CDKAL1: variants seen among roughly 807,000 people sequenced by gnomAD.
CDKAL1 encodes CDKAL1 threonylcarbamoyladenosine tRNA methylthiotransferase.
In CDKAL1, 32 loss-of-function variants were observed where a neutral mutation model predicts 68.2. The observed-to-expected ratio is 0.47, with a 90% CI of 0.35 to 0.63. The LOEUF (loss-of-function observed/expected upper bound fraction) is 0.63. CDKAL1 is among the 30% of genes least tolerant of loss of function. The probability of loss-of-function intolerance (pLI) is 0.00; values close to 1 mark genes in which losing one functional copy is unlikely to be tolerated. For missense variants in CDKAL1, 606 were observed against 696.7 expected, an observed-to-expected ratio of 0.87 and a Z score of 1.47; for synonymous variants, 234 against 244.3, an observed-to-expected ratio of 0.96 and a Z score of 0.39.
chr6:20,915,253 G>A (rs1762670851), intron 9 of CDKAL1, among the ~76,000 whole-genome samples: 1 of 151,840 alleles, frequency 6.6e-6, no homozygotes, highest in Non-Finnish European at 1.5e-5. Flanking sequence ...AGATGTATCA[G>A]TCAGAGATCT....
chr6:20,688,624 G>C (rs1245560971), intron 5 of CDKAL1, among the ~76,000 whole-genome samples: 1 of 151,756 alleles, frequency 6.6e-6, no homozygotes, highest in Non-Finnish European at 1.5e-5. Flanking sequence ...ATTTCTTTTT[G>C]TCTGTTTACA....
At chr6:21,047,245 T>G (rs1389648288) in intron 11 of CDKAL1, among the ~76,000 whole-genome samples, 1 of 152,120 alleles carries the variant, frequency 6.6e-6, no homozygotes, top group Non-Finnish European at 1.5e-5. Context: ...AAGGGCTTTG[T>G]AGATGACAGC....
chr6:21,131,517 A>G (rs951753743), intron 13 of CDKAL1, among the ~76,000 whole-genome samples: 4 of 152,332 alleles, frequency 2.6e-5, no homozygotes, highest in Admixed American at 1.3e-4. Context: ...ATTGTTATGT[A>G]TATAACAGAA....
intron 4 of CDKAL1, among the ~76,000 whole-genome samples, chr6:20,595,618 A>G (rs941184725): frequency 1.3e-5 from 2 of 151,978 alleles, no homozygotes; most frequent in Non-Finnish European, 2.9e-5. Flanking sequence ...GGGTTAGAAC[A>G]TGCTCCTTTA....
intron 7 of CDKAL1, among the ~76,000 whole-genome samples, chr6:20,771,900 C>G (rs2150363373): frequency 6.6e-6 from 1 of 152,290 alleles, no homozygotes; most frequent in Non-Finnish European, 1.5e-5. Context: ...CCCGTACAGC[C>G]TGCAGAACCG....
intron 4 of CDKAL1, among the ~76,000 whole-genome samples, chr6:20,586,234 ACCAT>A (rs1364310001): frequency 2.0e-5 from 3 of 152,224 alleles, no homozygotes; most frequent in African/African-American, 7.2e-5. Flanking sequence ...TTTTCCCTCA[ACCAT>A]CTGTTTTCCA....
At chr6:20,719,878 C>T (rs906536888) in intron 5 of CDKAL1, among the ~76,000 whole-genome samples, 1 of 152,140 alleles carries the variant, frequency 6.6e-6, no homozygotes, top group African/African-American at 2.4e-5. Context: ...GCTTTTTCCC[C>T]TGCTTGTGCT....
chr6:20,626,003 G>A (rs965928495), intron 4 of CDKAL1, among the ~76,000 whole-genome samples: 5 of 152,092 alleles, frequency 3.3e-5, no homozygotes, highest in African/African-American at 9.7e-5. Context: ...TTTCTTCTCT[G>A]GAGTTACTTT....
chr6:20,680,799 T>C (rs1212646748), intron 5 of CDKAL1, among the ~76,000 whole-genome samples: 2 of 152,188 alleles, frequency 1.3e-5, no homozygotes, highest in African/African-American at 4.8e-5. Context: ...TTAAGAAATA[T>C]TGAAAAATAT....
At chr6:20,570,181 G>T (rs1253915289) in intron 4 of CDKAL1, among the ~76,000 whole-genome samples, 2 of 152,046 alleles carry the variant, frequency 1.3e-5, no homozygotes, top group Non-Finnish European at 2.9e-5. Context: ...TCGGTTCACT[G>T]CAACCTCTGC....
At chr6:20,860,594 T>TG (rs1561838014) in intron 9 of CDKAL1, among the ~76,000 whole-genome samples, 1 of 151,800 alleles carries the variant, frequency 6.6e-6, no homozygotes, top group African/African-American at 2.4e-5. Context: ...GGAGGCCAAG[T>TG]GGGGGCAGAT....
chr6:21,209,326 T>C (rs988424670), intron 15 of CDKAL1, among the ~76,000 whole-genome samples: 2 of 152,200 alleles, frequency 1.3e-5, no homozygotes, highest in Non-Finnish European at 2.9e-5. Context: ...GACAAAGACG[T>C]GGACCGACTT....
At chr6:20,596,772 C>A (rs1199331786) in intron 4 of CDKAL1, among the ~76,000 whole-genome samples, 1 of 152,174 alleles carries the variant, frequency 6.6e-6, no homozygotes, top group Admixed American at 6.5e-5. Context: ...TGGTTGAAAC[C>A]CAGGGCCCTG....
At chr6:20,694,062 A>ATGTGTGTG (rs55981799) in intron 5 of CDKAL1, among the ~76,000 whole-genome samples, 2 of 128,960 alleles carry the variant, frequency 1.6e-5, no homozygotes, top group African/African-American at 2.7e-5. Context: ...GTGTGTGTGT[A>ATGTGTGTG]TGTGTGTGTG....
chr6:20,534,761 G>A lies in CDKAL1; in HGVS notation c.-50+187G>A, dbSNP rs563188326. Among the ~76,000 whole-genome samples, 7 of 152,324 alleles carry A rather than the reference G, an allele frequency of 4.6e-5. No individual in the cohort carries two copies. The South Asian group carries it at 1.2e-3, about 27-fold the overall frequency. ...TGGGGCTTCCAGGAGCGAGGATAGG[G>A]TCGTTGGCCTCAGGTGCCGCTCTCC... On this transcript the variant is annotated intron_variant, in intron 1 of 15. Transcript: ENST00000274695.
At chr6:20,948,020 T>C (rs1343192728) in intron 9 of CDKAL1, among the ~76,000 whole-genome samples, 1 of 150,686 alleles carries the variant, frequency 6.6e-6, no homozygotes, top group East Asian at 1.9e-4. Flanking sequence ...CTTTTTTTTT[T>C]TTTTTTTTTT....
chr6:20,677,873 A>G (rs1436444571), intron 5 of CDKAL1, among the ~76,000 whole-genome samples: 6 of 151,988 alleles, frequency 3.9e-5, no homozygotes, highest in Non-Finnish European at 8.8e-5. Flanking sequence ...TTAGGTTTTT[A>G]TTTCTCCTTT....
chr6:21,136,692 G>A (rs1401381523), intron 13 of CDKAL1, among the ~76,000 whole-genome samples: 1 of 151,904 alleles, frequency 6.6e-6, no homozygotes, highest in East Asian at 1.9e-4. Flanking sequence ...TGGATATTTA[G>A]GGGTTTCTCT....
chr6:21,048,496 A>ATG (rs1010013599), intron 11 of CDKAL1, among the ~76,000 whole-genome samples: 55 of 152,156 alleles, frequency 3.6e-4, no homozygotes, highest in African/African-American at 1.3e-3. Flanking sequence ...TGCTCTGTGT[A>ATG]TGTGTGTGTA....
Sources: allele counts gnomAD v4.1 joint callset (sites outside exome capture counted in the v4.1 genomes callset), GRCh38; gene constraint gnomAD v4.1.1; transcripts MANE v1.5; gene names NCBI Gene and HGNC (gene_info 2026-07-23, HGNC 2026-07-21).